The following LPP variants were observed in gnomAD, a reference collection of about 807,000 sequenced individuals.
LPP encodes the protein lipoma-preferred partner.
A neutral mutation model predicts 60.4 loss-of-function variants in LPP; 38 were observed. The observed-to-expected ratio is 0.63, with a 90% CI of 0.49 to 0.83. The LOEUF is 0.83. Among genes scored for constraint, LPP ranks in the 40% least tolerant of loss-of-function variants. LPP has a pLI of 0.00. For synonymous variants in LPP, 328 were observed against 290.8 expected (o/e 1.13, Z -1.30); for missense variants, 902 against 783.6 (o/e 1.15, Z -1.80).
At chr3:188,649,386 A>G (rs1423278555) in intron 7 of LPP, among the ~76,000 whole-genome samples, 2 of 152,222 alleles carry the variant, frequency 1.3e-5, no homozygotes, top group Admixed American at 1.3e-4. Context: ...TTTGGATGAC[A>G]GCTACATCAC....
rs185887228 is a variant in LPP at position 188,408,365 on chromosome 3, T to C, written c.193+2052T>C. On this transcript the variant is annotated intron_variant, in intron 4 of 11. Coordinates refer to ENST00000617246, the MANE Select transcript of LPP (RefSeq NM_001375462.1). ...GAAGAGAAGCATATAATGGCCTCGCTTTAGACTCCTTTACTGTGAATTTGA... is the reference window on the plus strand; with the variant it reads ...GAAGAGAAGCATATAATGGCCTCGCCTTAGACTCCTTTACTGTGAATTTGA... 4.7e-4 allele frequency among the ~76,000 whole-genome samples: 72 copies of C among 152,286 alleles called. 1 individual carries two copies. In the East Asian group the frequency reaches 0.014, roughly 29 times the overall value.
In LPP at chr3:188,334,053, T is replaced by TCAGTATTTTA. The variant is rs1443517992; in HGVS notation, c.-66-7608_-66-7599dup. ...TGCTACTTTTCTCCACCTCTGGTGA[T>TCAGTATTTTA]CAGTATTTTACTCTCTATGTGATCG... is the stretch of plus-strand genomic sequence containing the variant. On this transcript the variant is annotated intron_variant, in intron 2 of 11. Transcript: ENST00000617246. Among the ~76,000 whole-genome samples the TCAGTATTTTA allele has an allele frequency of 1.4e-4, 21 of 152,346 alleles. No homozygotes were observed. The East Asian group carries it at 4.1e-3, about 29-fold the overall frequency.
intron 3 of LPP, among the ~76,000 whole-genome samples, chr3:188,392,817 C>G (rs1182642678): frequency 6.6e-6 from 1 of 152,112 alleles, no homozygotes; most frequent in Non-Finnish European, 1.5e-5. Context: ...AGTAACAAAA[C>G]CCACCCAGAC....
intron 2 of LPP, among the ~76,000 whole-genome samples, chr3:188,331,138 T>A (rs1759952615): frequency 6.6e-6 from 1 of 152,192 alleles, no homozygotes; most frequent in South Asian, 2.1e-4. Context: ...GATGGTGCTA[T>A]CTCATGCTTG....
intron 7 of LPP, among the ~76,000 whole-genome samples, chr3:188,618,227 G>A (rs1845205572): frequency 6.6e-6 from 1 of 152,176 alleles, no homozygotes; most frequent in South Asian, 2.1e-4. Context: ...CTTAACAAAT[G>A]ATACAGTGTT....
chr3:188,340,402 T>A, intron 2 of LPP, among the ~76,000 whole-genome samples: 1 of 151,300 alleles, frequency 6.6e-6, no homozygotes, highest in African/African-American at 2.4e-5. Flanking sequence ...TGCTCTTTTT[T>A]TTTTTTTTTT....
chr3:188,320,933 T>C (rs1464259970), intron 2 of LPP, among the ~76,000 whole-genome samples: 1 of 152,220 alleles, frequency 6.6e-6, no homozygotes, highest in African/African-American at 2.4e-5. Context: ...AGAAAAGGTA[T>C]CCCAGTGGCC....
At position 188,884,435 on chromosome 3, in the gene LPP, G is replaced by C. The variant is rs1578134153; in HGVS notation, c.*9956G>C. 4.4e-6 allele frequency: 1 copy of C among 229,878 alleles called. No individual in the cohort carries two copies. The highest frequency in any genetic ancestry group is 6.2e-5 in the East Asian group (1 of 16,100). The allele number at this position is 229,878 out of a possible 1,614,324, so 14.2% of individuals were successfully genotyped here. On this transcript the variant is annotated 3_prime_UTR_variant, in exon 12 of 12. Transcript: ENST00000617246. ...CCACATGTGTACTGCGGTCTTTAGA[G>C]ATCATTTAGAGCTTGCACACATCTG...
intron 1 of LPP, among the ~76,000 whole-genome samples, chr3:188,171,939 G>A (rs542687711): frequency 2.0e-5 from 3 of 152,334 alleles, no homozygotes; most frequent in South Asian, 2.1e-4. Context: ...GCAAGTAGCC[G>A]ACTAGAGGGC....
At chr3:188,838,239 A>G (rs1254814953) in intron 9 of LPP, among the ~76,000 whole-genome samples, 1 of 152,100 alleles carries the variant, frequency 6.6e-6, no homozygotes, top group Non-Finnish European at 1.5e-5. Context: ...TTACTTTATT[A>G]CTGTTTTTCA....
intron 4 of LPP, among the ~76,000 whole-genome samples, chr3:188,439,805 A>G (rs140018480): frequency 1.1e-3 from 162 of 152,304 alleles, no homozygotes; most frequent in African/African-American, 3.8e-3. Context: ...TGTTCACTAT[A>G]TTACCAAGTT....
At chr3:188,760,045 C>T (rs939937256) in intron 8 of LPP, 68 bp from the exon 9 acceptor site, 3 of 1,434,746 alleles carry the variant, frequency 2.1e-6, no homozygotes, top group East Asian at 2.3e-5. Flanking sequence ...CTGCTTTCTC[C>T]TCCACTTTGG....
chr3:188,341,862 G>A (rs1763148258), intron 3 of LPP, 143 bp downstream of exon 3: 1 of 181,836 alleles, frequency 5.5e-6, no homozygotes, highest in Non-Finnish European at 1.0e-5. Flanking sequence ...CCAAGACAGT[G>A]AGCTGACCTC....
At chr3:188,808,507 A>G (rs984131568) in intron 9 of LPP, among the ~76,000 whole-genome samples, 4 of 152,064 alleles carry the variant, frequency 2.6e-5, no homozygotes, top group African/African-American at 9.7e-5. Flanking sequence ...AAGAGCCACA[A>G]GACTCACTGT....
chr3:188,683,665 C>T (rs75741569), intron 7 of LPP, among the ~76,000 whole-genome samples: 1,878 of 152,218 alleles, frequency 0.012, 25 homozygotes, highest in Middle Eastern at 0.027. Flanking sequence ...TGAAGGAAGA[C>T]CCCTTGTAAT....
At chr3:188,809,897 A>C (rs147648019) in intron 9 of LPP, among the ~76,000 whole-genome samples, 1 of 152,118 alleles carries the variant, frequency 6.6e-6, no homozygotes, top group African/African-American at 2.4e-5. Flanking sequence ...TTTTCTGCAT[A>C]TGGCTAGCCA....
chr3:188,456,703 G>A (rs188861853), intron 4 of LPP, among the ~76,000 whole-genome samples: 1 of 152,196 alleles, frequency 6.6e-6, no homozygotes, highest in African/African-American at 2.4e-5. Flanking sequence ...TGAGCACCTC[G>A]AGCAAATAAG....
chr3:188,652,755 TC>T, intron 7 of LPP, among the ~76,000 whole-genome samples: 1 of 151,978 alleles, frequency 6.6e-6, no homozygotes, highest in Non-Finnish European at 1.5e-5. Context: ...TAATTAAACA[TC>T]CCCTGGTATT....
chr3:188,160,056 G>T (rs1475618442), intron 1 of LPP, among the ~76,000 whole-genome samples: 1 of 152,078 alleles, frequency 6.6e-6, no homozygotes, highest in African/African-American at 2.4e-5. Flanking sequence ...GGGATTACAG[G>T]TGCCCGCCAC....
Sources: gnomAD v4.1 joint callset for allele counts (sites outside exome capture counted in the v4.1 genomes callset) on GRCh38, gnomAD v4.1.1 for gene constraint, MANE v1.5 for transcripts, NCBI Gene and HGNC (gene_info 2026-07-23, HGNC 2026-07-21) for gene names.